Variants in SIRT5 observed in about 807,000 individuals in gnomAD.
SIRT5 encodes the protein sirtuin 5, also known as NAD-dependent protein deacylase sirtuin-5, mitochondrial.
In SIRT5, 26 loss-of-function variants were observed where a neutral mutation model predicts 40.0. That is an observed-to-expected ratio of 0.65 (90% CI 0.48 to 0.90). SIRT5 has a LOEUF of 0.90. Ranked by LOEUF, SIRT5 falls within the 40% of genes least tolerant of loss-of-function variation. The pLI is 0.00. For missense variants in SIRT5, 401 were observed against 402.4 expected (o/e 1.00, Z 0.03); for synonymous variants, 146 against 149.1 (o/e 0.98, Z 0.15).
At chr6:13,588,196 C>A in intron 3 of SIRT5, 135 bp from the exon 4 acceptor site, 2 of 1,129,556 alleles carry the variant, frequency 1.8e-6, no homozygotes, top group Non-Finnish European at 2.5e-6. Context: ...ATGGTGTTTT[C>A]ATGGTACAGG....
chr6:13,604,507 A>G, intron 9 of SIRT5: 1 of 1,578,170 alleles, frequency 6.3e-7, no homozygotes, highest in Non-Finnish European at 8.7e-7. Flanking sequence ...TCTAATTATT[A>G]TAAAGAATTA....
intron 2 of SIRT5, among the ~76,000 whole-genome samples, chr6:13,583,335 C>A (rs1188650109): frequency 2.9e-4 from 36 of 122,504 alleles, no homozygotes; most frequent in Middle Eastern, 7.4e-3. Flanking sequence ...CCTCTTGTTG[C>A]CCACGCTGGA....
intron 9 of SIRT5, among the ~76,000 whole-genome samples, chr6:13,603,101 C>T (rs1323183303): frequency 6.6e-6 from 1 of 151,856 alleles, no homozygotes; most frequent in South Asian, 2.1e-4. Context: ...CACGGTGAAA[C>T]CCCGTCTCTA....
chr6:13,587,758 G>A (rs927015622), intron 3 of SIRT5, among the ~76,000 whole-genome samples: 1 of 152,316 alleles, frequency 6.6e-6, no homozygotes, highest in Non-Finnish European at 1.5e-5. Flanking sequence ...CATTTGACTT[G>A]TCAAGAAGAA....
intron 3 of SIRT5, among the ~76,000 whole-genome samples, chr6:13,587,746 C>T (rs949828283): frequency 6.6e-6 from 1 of 152,200 alleles, no homozygotes; most frequent in Non-Finnish European, 1.5e-5. Flanking sequence ...AAGTTTGGCT[C>T]TCATTTGACT....
chr6:13,585,638 A>G (rs1759974673), intron 3 of SIRT5, among the ~76,000 whole-genome samples: 2 of 152,164 alleles, frequency 1.3e-5, no homozygotes, highest in Non-Finnish European at 2.9e-5. Flanking sequence ...AGTCCAGTCT[A>G]TCACTGATGG....
At chr6:13,601,156 C>T (rs113298419) in intron 9 of SIRT5, among the ~76,000 whole-genome samples, 4 of 152,238 alleles carry the variant, frequency 2.6e-5, no homozygotes, top group Admixed American at 1.3e-4. Context: ...CGAAATTTGC[C>T]GTGGGACTTT....
intron 6 of SIRT5, among the ~76,000 whole-genome samples, chr6:13,595,866 C>T (rs1393194552): frequency 6.6e-6 from 1 of 152,078 alleles, no homozygotes; most frequent in Non-Finnish European, 1.5e-5. Context: ...GTGGCACATG[C>T]CTGTAGTCCC....
chr6:13,613,635 G>A lies in SIRT5; in HGVS notation c.*1770G>A, dbSNP rs550319331. 1 of 152,178 alleles carries A rather than the reference G, an allele frequency of 6.6e-6. No individual in the cohort carries two copies. Among genetic ancestry groups the A allele is most frequent in the African/African-American group, 2.4e-5 (1 of 41,504 alleles). The allele number at this position is 152,178 out of a possible 1,614,324, so 9.4% of individuals were successfully genotyped here. On this transcript the variant is annotated 3_prime_UTR_variant, in exon 10 of 10. Transcript: ENST00000606117. ...CCAGTGGTCCTTTGTGTAGGGAACGGGGATGCTCATAGCCTATGGGGCGGC... is the reference window on the plus strand; with the variant it reads ...CCAGTGGTCCTTTGTGTAGGGAACGAGGATGCTCATAGCCTATGGGGCGGC...
At chr6:13,595,076 T>G (rs1418493892) in intron 5 of SIRT5, among the ~76,000 whole-genome samples, 2 of 152,264 alleles carry the variant, frequency 1.3e-5, no homozygotes. Context: ...CAAGGTCATC[T>G]GATGGCACAT....
chr6:13,592,274 A>T (rs527937831), intron 5 of SIRT5, among the ~76,000 whole-genome samples: 3 of 152,170 alleles, frequency 2.0e-5, no homozygotes, highest in Non-Finnish European at 1.5e-5. Context: ...CGTGCTTTTT[A>T]TACTGGAGGA....
Position 13,612,688 on chromosome 6 carries a change from G to C in SIRT5, c.*823G>C, listed in dbSNP as rs1425250054. On this transcript the variant is annotated 3_prime_UTR_variant, in exon 10 of 10. Coordinates refer to ENST00000606117, the MANE Select transcript of SIRT5 (RefSeq NM_012241.5). ...TTGGCTACATTACCTCAGTGAACAA[G>C]GGGAAGCTCACAACAGGAACTCACA... 1 of 152,176 alleles carries C rather than the reference G, an allele frequency of 6.6e-6. No individual in the cohort carries two copies. The highest frequency in any genetic ancestry group is 1.5e-5 in the Non-Finnish European group (1 of 68,094). 9.4% of individuals were successfully genotyped at this position (152,176 alleles called of 1,614,324 possible). A position where few individuals can be genotyped will look rare whatever the true frequency, so the allele number is the denominator to read the frequency against.
intron 5 of SIRT5, among the ~76,000 whole-genome samples, chr6:13,595,204 G>A (rs184758184): frequency 6.6e-6 from 1 of 152,244 alleles, no homozygotes; most frequent in East Asian, 1.9e-4. Flanking sequence ...GCTAGGGTAG[G>A]CCCATTTGCT....
intron 9 of SIRT5, among the ~76,000 whole-genome samples, chr6:13,609,287 T>C (rs1562282999): frequency 6.6e-6 from 1 of 152,230 alleles, no homozygotes; most frequent in South Asian, 2.1e-4. Flanking sequence ...TCAGGTTTAT[T>C]GATTTAATGC....
chr6:13,597,197 T>A (rs1249712031), intron 7 of SIRT5, among the ~76,000 whole-genome samples, 181 bp downstream of exon 7: 2 of 152,154 alleles, frequency 1.3e-5, no homozygotes, highest in Non-Finnish European at 2.9e-5. Flanking sequence ...CAAATTAGGA[T>A]GAAAAGAATG....
chr6:13,600,726 C>T lies in SIRT5; in HGVS notation c.742-108C>T, dbSNP rs536327498. The stretch of plus-strand genomic sequence containing the variant: ...TTATCCCATCCTGTTTGGCTTTTCT[C>T]ACACCTGCAACCACAGACCTGCCTG... On this transcript the variant is annotated intron_variant, in intron 8 of 9. Coordinates refer to ENST00000606117, the MANE Select transcript of SIRT5 (RefSeq NM_012241.5). 32 of 820,174 alleles carry T rather than the reference C, an allele frequency of 3.9e-5. No homozygotes were observed. The South Asian group carries it at 5.6e-4, about 14-fold the overall frequency. The allele number at this position is 820,174 out of a possible 1,614,324, so 50.8% of individuals were successfully genotyped here. A position where few individuals can be genotyped will look rare whatever the true frequency, so the allele number is the denominator to read the frequency against.
chr6:13,595,437 T>C, intron 5 of SIRT5, 40 bp from the exon 6 acceptor site: 1 of 1,462,694 alleles, frequency 6.8e-7, no homozygotes, highest in African/African-American at 1.4e-5. Flanking sequence ...TTGCTCTTGA[T>C]TATACTAAAT....
At chr6:13,578,616 C>CAAAAAAAA (rs60663066) in intron 1 of SIRT5, among the ~76,000 whole-genome samples, 2 of 36,768 alleles carry the variant, frequency 5.4e-5, no homozygotes, top group Non-Finnish European at 1.2e-4. Context: ...GACTCCATCT[C>CAAAAAAAA]AAAAAAAAAA....
intron 9 of SIRT5, among the ~76,000 whole-genome samples, chr6:13,602,231 A>T (rs539281138): frequency 6.6e-6 from 1 of 152,220 alleles, no homozygotes; most frequent in Non-Finnish European, 1.5e-5. Context: ...TTTGACAGCA[A>T]TTAATTGAAA....
Sources: gnomAD v4.1 joint callset for allele counts (sites outside exome capture counted in the v4.1 genomes callset) on GRCh38, gnomAD v4.1.1 for gene constraint, MANE v1.5 for transcripts, NCBI Gene and HGNC (gene_info 2026-07-23, HGNC 2026-07-21) for gene names.